Variants in NLRP11 observed in about 807,000 individuals in gnomAD.
NLRP11 encodes the protein NLR family pyrin domain containing 11.
Under a neutral mutation model 79.3 loss-of-function variants are expected in NLRP11, and 53 were observed. The observed-to-expected ratio is 0.67, with a 90% CI of 0.54 to 0.84. The LOEUF (loss-of-function observed/expected upper bound fraction) is 0.84, where lower values mean the gene tolerates loss of function less well. Ranked by LOEUF, NLRP11 falls within the 40% of genes least tolerant of loss-of-function variation. The probability of loss-of-function intolerance (pLI) is 0.00; values close to 1 mark genes in which losing one functional copy is unlikely to be tolerated. For synonymous variants in NLRP11, 518 were observed against 462.6 expected (o/e 1.12, Z -1.54); for missense variants, 1,264 against 1,255.0 (o/e 1.01, Z -0.11).
At chr19:55,789,958 A>G (rs1990137033) in intron 7 of NLRP11, among the ~76,000 whole-genome samples, 2 of 151,900 alleles carry the variant, frequency 1.3e-5, no homozygotes, top group African/African-American at 4.8e-5. Context: ...CTACAATCCT[A>G]CTTCATTGCC....
chr19:55,796,002 C>T (rs1395020903), intron 6 of NLRP11, 78 bp downstream of exon 6: 4 of 1,309,040 alleles, frequency 3.1e-6, no homozygotes, highest in Non-Finnish European at 4.3e-6. Context: ...CTTTCCCCAC[C>T]ACTGCTCTTT....
Position 55,809,301 on chromosome 19 carries a change from A to T in NLRP11, c.1309T>A (p.Leu437Met), listed in dbSNP as rs1980340623. The T allele has an allele frequency of 2.5e-6, 4 of 1,614,012 alleles. No homozygotes were observed. The East Asian group carries it at 8.9e-5, about 36-fold the overall frequency. The change falls in exon 3 of 10, where the codon TTG becomes ATG. Residue 437 changes from leucine (L) to methionine (M), a missense_variant. Physicochemically the swap from Leu to Met is conservative, Grantham distance 15. Coordinates refer to ENST00000589093, the Ensembl canonical transcript of NLRP11. This position sits in a 1 kb window ranked among gnomAD's most constrained non-coding sequence, Gnocchi z 4.5. Reference sequence around the variant, plus strand: ...CGGTCTTTATGAGTGTTGCTCGGCAAAAGAATATTCGCGGCCTGCAACACA... The same window carrying T: ...CGGTCTTTATGAGTGTTGCTCGGCATAAGAATATTCGCGGCCTGCAACACA...
intron 1 of NLRP11, 143 bp from the exon 2 acceptor site, chr19:55,818,379 G>C: frequency 1.8e-6 from 1 of 560,994 alleles, no homozygotes; most frequent in Non-Finnish European, 3.1e-6. Context: ...CTTTCTGTCT[G>C]GGTCAATGGC....
At chr19:55,800,467 C>T (rs937241549) in intron 5 of NLRP11, among the ~76,000 whole-genome samples, 1 of 152,136 alleles carries the variant, frequency 6.6e-6, no homozygotes, top group East Asian at 1.9e-4. Context: ...GCTACCATGC[C>T]TGGCTAATTT....
chr19:55,828,844 G>A (rs1982475646), intron 1 of NLRP11, among the ~76,000 whole-genome samples: 1 of 151,950 alleles, frequency 6.6e-6, no homozygotes, highest in South Asian at 2.1e-4. Context: ...GTGACTCTGG[G>A]GCTTAATAAA....
At chr19:55,793,825 C>T (rs568395330) in intron 6 of NLRP11, among the ~76,000 whole-genome samples, 70 of 152,158 alleles carry the variant, frequency 4.6e-4, no homozygotes, top group African/African-American at 1.5e-3. Flanking sequence ...CTAATGCGTG[C>T]TTATTTTAAA....
At chr19:55,805,311 C>G (rs982208082) in intron 4 of NLRP11, among the ~76,000 whole-genome samples, 1 of 151,854 alleles carries the variant, frequency 6.6e-6, no homozygotes. Context: ...AGCTGGCCAA[C>G]CCTTGGAGGA....
chr19:55,809,655 C>T lies in NLRP11; in HGVS notation c.955G>A (p.Ala319Thr), dbSNP rs905148575. ...TGTACAAGCTGGAGGGCTGCCGACG[C>T]CCTCTGGCGGTCTTTAAAGAAAGAG... The change falls in exon 3 of 10, where the codon GCG becomes ACG. Residue 319 changes from alanine (A) to threonine (T), a missense_variant. By Grantham distance (58) the Ala-to-Thr change is moderately conservative (BLOSUM62 0). Transcript: ENST00000589093. This position sits in a 1 kb window ranked among gnomAD's most constrained non-coding sequence, Gnocchi z 4.5. The T allele has an allele frequency of 2.0e-5, 32 of 1,613,658 alleles. No individual in the cohort carries two copies. Among genetic ancestry groups the T allele is most frequent in the Non-Finnish European group, 2.7e-5 (32 of 1,179,880 alleles).
chr19:55,799,042 A>T (rs1979218390), intron 5 of NLRP11, among the ~76,000 whole-genome samples: 1 of 152,080 alleles, frequency 6.6e-6, no homozygotes, highest in Non-Finnish European at 1.5e-5. Flanking sequence ...TGAGGTGGGC[A>T]GATCACGTGA....
rs543979943 is a variant in NLRP11, at chr19:55,830,680, CACCA to C, written c.-63+1279_-63+1282del. Among the ~76,000 whole-genome samples the C allele has an allele frequency of 1.6e-4, 24 of 150,132 alleles. No homozygotes were observed. In the East Asian group the frequency reaches 4.8e-3, roughly 30 times the overall value. On this transcript the variant is annotated intron_variant, in intron 1 of 9. Transcript: ENST00000589093. ...CCCAAAGGGCAAAATACTTTTTTTA[CACCA>C]ACCTTTTGTACACTCATCTGACCAC...
At chr19:55,792,939 T>C (rs1978418814) in intron 6 of NLRP11, among the ~76,000 whole-genome samples, 2 of 152,336 alleles carry the variant, frequency 1.3e-5, no homozygotes, top group Middle Eastern at 3.4e-3. Context: ...CATTTTGTGG[T>C]ATCCCGTTTT....
rs201726892 is a variant in NLRP11, at chr19:55,796,145, C to G, written c.2277G>C (p.Arg759Ser). The change falls in exon 6 of 10, where the codon AGG becomes AGC. Residue 759 changes from arginine to serine, a missense_variant. By Grantham distance (110) the Arg-to-Ser change is moderately radical (BLOSUM62 -1). Transcript: ENST00000589093. ...CACACAGTATGTTCATCCCGTCGCT[C>G]CTCAGCGGATTGCTGGATAAGGTCA... 1.9e-6 allele frequency: 3 copies of G among 1,614,100 alleles called. 1 individual carries two copies. The South Asian group carries it at 3.3e-5, about 18-fold the overall frequency.
chr19:55,794,543 G>A (rs1208129423), intron 6 of NLRP11, among the ~76,000 whole-genome samples: 1 of 152,130 alleles, frequency 6.6e-6, no homozygotes, highest in African/African-American at 2.4e-5. Flanking sequence ...GGTGGATCAC[G>A]AGGTCAGGAG....
intron 6 of NLRP11, among the ~76,000 whole-genome samples, chr19:55,795,803 AAC>A (rs1978787660): frequency 6.6e-6 from 1 of 152,002 alleles, no homozygotes; most frequent in Non-Finnish European, 1.5e-5. Context: ...CACCATTTTT[AAC>A]TCTTATCTCC....
exon 3 of NLRP11, chr19:55,808,870 G>A: frequency 6.2e-7 from 1 of 1,613,530 alleles, no homozygotes; most frequent in Non-Finnish European, 8.5e-7. Context: ...AGTATAATGA[G>A]ACCATCATAT....
At chr19:55,793,519 G>C (rs1978487026) in intron 6 of NLRP11, among the ~76,000 whole-genome samples, 1 of 117,542 alleles carries the variant, frequency 8.5e-6, no homozygotes, top group South Asian at 2.9e-4. Flanking sequence ...AGTGAGCCGA[G>C]ATTGCACCAC....
intron 5 of NLRP11, among the ~76,000 whole-genome samples, chr19:55,800,410 C>T (rs779093884): frequency 3.9e-5 from 6 of 152,142 alleles, no homozygotes; most frequent in Non-Finnish European, 7.4e-5. Flanking sequence ...TGGGTTCAAG[C>T]GATTATCTTG....
chr19:55,793,397 C>T (rs1978471312), intron 6 of NLRP11, among the ~76,000 whole-genome samples: 2 of 151,530 alleles, frequency 1.3e-5, no homozygotes, highest in African/African-American at 4.8e-5. Context: ...GGTGAAACCC[C>T]GTCTCTGCTA....
At position 55,809,793 on chromosome 19, in the gene NLRP11, A is replaced by G. The variant is rs2122823291; in HGVS notation, c.817T>C (p.Phe273Leu). 1 of 1,614,156 alleles carries G rather than the reference A, an allele frequency of 6.2e-7. No homozygotes were observed. Among genetic ancestry groups the G allele is most frequent in the South Asian group, 1.1e-5 (1 of 91,076 alleles). Residue 273 changes from phenylalanine (F) to leucine (L), a missense_variant, in exon 3 of 10, where the codon TTC becomes CTC. Physicochemically the swap from Phe to Leu is conservative, Grantham distance 22. Transcript: ENST00000589093. This position sits in a 1 kb window ranked among gnomAD's most constrained non-coding sequence, Gnocchi z 4.5. ...CGTGTGGGCCTTGAGGAGATGAGGA[A>G]CCAGCAGCCTGGAGCCATTTTTCTC...
Sources: gnomAD v4.1 joint callset for allele counts (sites outside exome capture counted in the v4.1 genomes callset) on GRCh38, gnomAD v4.1.1 for gene constraint, Gnocchi (gnomAD v3.1) non-coding constraint, MANE v1.5 for transcripts, NCBI Gene and HGNC (gene_info 2026-07-23, HGNC 2026-07-21) for gene names.